Variants in NPSR1 observed in about 807,000 individuals in gnomAD.
The protein encoded by NPSR1 is neuropeptide S receptor.
Under a neutral mutation model 46.9 loss-of-function variants are expected in NPSR1, and 48 were observed. The observed-to-expected ratio is 1.02, with a 90% CI of 0.81 to 1.30. The LOEUF (loss-of-function observed/expected upper bound fraction) is 1.30, where lower values mean the gene tolerates loss of function less well. Ranked by LOEUF, NPSR1 falls within the 50% of genes most tolerant of loss-of-function variation. The probability of loss-of-function intolerance (pLI) is 0.00; values close to 1 mark genes in which losing one functional copy is unlikely to be tolerated. For synonymous variants in NPSR1, 176 were observed against 168.1 expected, an observed-to-expected ratio of 1.05 and a Z score of -0.36; for missense variants, 450 against 449.5, an observed-to-expected ratio of 1.00 and a Z score of -0.01.
rs866513574 is a variant in NPSR1 at position 34,859,103 on chromosome 7, T to C, written c.1025+10440T>C. ...AACAGGGAGGTGATCAACTGGGTCT[T>C]GGTTACATACAGAAAACAGCAGAGA... On this transcript the variant is annotated intron_variant, in intron 8 of 8. Transcript: ENST00000359791. Among the ~76,000 whole-genome samples the C allele has an allele frequency of 3.3e-4, 50 of 151,726 alleles. No individual in the cohort carries two copies. The South Asian group carries it at 3.7e-3, about 11-fold the overall frequency.
At chr7:34,686,336 CCAAAGGTCTAAGACTGAAGCT>C (rs1157569633) in intron 2 of NPSR1, among the ~76,000 whole-genome samples, 1 of 152,030 alleles carries the variant, frequency 6.6e-6, no homozygotes, top group Non-Finnish European at 1.5e-5. Flanking sequence ...AAAAACATTG[CCAAAGGTCTAAGACTGAAGCT>C]CAATGGTCTG....
At chr7:34,846,978 C>T (rs1790760351) in intron 7 of NPSR1, among the ~76,000 whole-genome samples, 1 of 152,136 alleles carries the variant, frequency 6.6e-6, no homozygotes, top group African/African-American at 2.4e-5. Flanking sequence ...CCAACTTACA[C>T]ACACATGGAA....
chr7:34,754,376 C>A (rs1377104071), intron 2 of NPSR1, among the ~76,000 whole-genome samples: 1 of 152,088 alleles, frequency 6.6e-6, no homozygotes, highest in African/African-American at 2.4e-5. Flanking sequence ...GGGTGCCTTT[C>A]TTAATTTTAG....
At chr7:34,689,574 C>A (rs1255152575) in intron 2 of NPSR1, among the ~76,000 whole-genome samples, 2 of 121,680 alleles carry the variant, frequency 1.6e-5, no homozygotes, top group Non-Finnish European at 3.2e-5. Context: ...CACTGCACTC[C>A]AGCCTGGATG....
intron 4 of NPSR1, among the ~76,000 whole-genome samples, chr7:34,820,544 A>C (rs1188908280): frequency 6.6e-6 from 1 of 152,178 alleles, no homozygotes; most frequent in African/African-American, 2.4e-5. Context: ...ATATTTGTAG[A>C]GATTTATTCT....
In NPSR1 at chr7:34,778,546, G is replaced by C; in HGVS notation, c.365G>C (p.Arg122Pro). The C allele has an allele frequency of 1.9e-6, 3 of 1,611,102 alleles. No individual in the cohort carries two copies. The highest frequency in any genetic ancestry group is 4.5e-5 in the East Asian group (2 of 44,810). ...TTCACGGCACCTGACCTGGTTTGCC[G>C]AGTGGTCCGCTATTTGCAGGTATGT... Reference protein sequence around the residue: ...GDFTAPDLVCRVVRYLQVVLL... With the variant: ...GDFTAPDLVCPVVRYLQVVLL... The change falls in exon 3 of 9, where the codon CGA (arginine) becomes CCA (proline). Residue 122 changes from arginine (R) to proline (P), a missense_variant. Physicochemically the swap from Arg to Pro is moderately radical, Grantham distance 103. Transcript: ENST00000360581.
chr7:34,714,514 T>C (rs960252273), intron 2 of NPSR1, among the ~76,000 whole-genome samples: 1 of 152,206 alleles, frequency 6.6e-6, no homozygotes, highest in Non-Finnish European at 1.5e-5. Flanking sequence ...ACTTCAGAAG[T>C]GACCGTAAAA....
At chr7:34,698,457 CAG>C (rs1458431724) in intron 2 of NPSR1, among the ~76,000 whole-genome samples, 1 of 152,084 alleles carries the variant, frequency 6.6e-6, no homozygotes, top group African/African-American at 2.4e-5. Context: ...AGAATGAAAA[CAG>C]AGATAAAAAC....
At chr7:34,717,223 C>T (rs138429346) in intron 2 of NPSR1, among the ~76,000 whole-genome samples, 53 of 152,344 alleles carry the variant, frequency 3.5e-4, no homozygotes, top group African/African-American at 1.3e-3. Flanking sequence ...ACCTCCACTT[C>T]CCGGGTTCAA....
intron 7 of NPSR1, among the ~76,000 whole-genome samples, chr7:34,847,851 C>T (rs1790794782): frequency 6.6e-6 from 1 of 152,190 alleles, no homozygotes; most frequent in African/African-American, 2.4e-5. Context: ...AATTAACCAT[C>T]ACACCTGAAT....
intron 4 of NPSR1, among the ~76,000 whole-genome samples, chr7:34,825,755 G>A (rs35029494): frequency 0.042 from 6,330 of 152,196 alleles, 205 homozygotes; most frequent in Middle Eastern, 0.12. Context: ...AGAGCACAAA[G>A]CCCTCTGATG....
Position 34,742,923 on chromosome 7 carries a change from T to C in NPSR1, c.281-35539T>C, listed in dbSNP as rs537805239. ...TAATAATCAGTGATATTGAGCTTTA[T>C]TTCATGTGCTTGTTGGCTGCATGTG... On this transcript the variant is annotated intron_variant, in intron 2 of 8. Transcript: ENST00000360581. 8.5e-5 allele frequency among the ~76,000 whole-genome samples: 13 copies of C among 152,376 alleles called. No homozygotes were observed. The South Asian group carries it at 2.7e-3, about 32-fold the overall frequency.
At chr7:34,821,127 C>CTTT (rs35086136) in intron 4 of NPSR1, among the ~76,000 whole-genome samples, 12 of 94,890 alleles carry the variant, frequency 1.3e-4, no homozygotes, top group East Asian at 3.2e-4. Flanking sequence ...TTGTGATACA[C>CTTT]TTTTTTTTTT....
intron 3 of NPSR1, among the ~76,000 whole-genome samples, chr7:34,796,055 A>G (rs1788155873): frequency 6.6e-6 from 1 of 152,216 alleles, no homozygotes; most frequent in African/African-American, 2.4e-5. Context: ...AAGAACAAAC[A>G]GGTCAATGGA....
chr7:34,712,982 A>G (rs981372862), intron 2 of NPSR1, among the ~76,000 whole-genome samples: 1 of 152,118 alleles, frequency 6.6e-6, no homozygotes, highest in Non-Finnish European at 1.5e-5. Context: ...AAATGGGGGG[A>G]AAAGTCCTCT....
At chr7:34,789,485 C>T (rs546002862) in intron 3 of NPSR1, among the ~76,000 whole-genome samples, 1 of 151,630 alleles carries the variant, frequency 6.6e-6, no homozygotes, top group East Asian at 2.0e-4. Context: ...AGCATCATAA[C>T]AAGCGACTAT....
At chr7:34,752,038 G>A (rs930354372) in intron 2 of NPSR1, 155 of 710,124 alleles carry the variant, frequency 2.2e-4, no homozygotes, top group Middle Eastern at 2.4e-4. Flanking sequence ...TAGTCCTGTG[G>A]AAACTTCGGA....
chr7:34,838,553 T>C (rs1790458137), intron 6 of NPSR1, among the ~76,000 whole-genome samples: 1 of 152,126 alleles, frequency 6.6e-6, no homozygotes, highest in Non-Finnish European at 1.5e-5. Flanking sequence ...CATGCCAGGA[T>C]TATTGCTCAT....
At chr7:34,716,720 T>G (rs956461697) in intron 2 of NPSR1, among the ~76,000 whole-genome samples, 2 of 152,112 alleles carry the variant, frequency 1.3e-5, no homozygotes, top group East Asian at 3.9e-4. Context: ...CAATCCTTTA[T>G]CTCTCCTCCT....
Sources: gnomAD v4.1 joint callset for allele counts (sites outside exome capture counted in the v4.1 genomes callset) on GRCh38, gnomAD v4.1.1 for gene constraint, MANE v1.5 for transcripts, NCBI Gene and HGNC (gene_info 2026-07-23, HGNC 2026-07-21) for gene names.